The following RBL2 variants were observed in gnomAD, a reference collection of about 807,000 sequenced individuals.
The protein encoded by RBL2 is retinoblastoma-like protein 2.
A neutral mutation model predicts 126.0 loss-of-function variants in RBL2; 56 were observed. The observed-to-expected ratio is 0.44, with a 90% confidence interval of 0.36 to 0.56. The LOEUF is 0.56. Ranked by LOEUF, RBL2 falls within the 20% of genes least tolerant of loss-of-function variation. RBL2 has a pLI of 0.00. For missense variants in RBL2, 1,229 were observed against 1,398.2 expected, an observed-to-expected ratio of 0.88 and a Z score of 1.93; for synonymous variants, 454 against 478.5, an observed-to-expected ratio of 0.95 and a Z score of 0.67.
intron 1 of RBL2, chr16:53,435,827 TAATTC>T: frequency 2.6e-6 from 3 of 1,132,990 alleles, no homozygotes; most frequent in South Asian, 2.6e-5. Flanking sequence ...AATAGAATTT[TAATTC>T]AATTACTAGT....
intron 17 of RBL2, among the ~76,000 whole-genome samples, chr16:53,478,545 C>T (rs201634161): frequency 5.4e-5 from 7 of 128,786 alleles, no homozygotes; most frequent in African/African-American, 1.5e-4. Flanking sequence ...TTTGCTAATC[C>T]TTTTTTTTTT....
chr16:53,461,092 AG>A (rs2058215078), intron 9 of RBL2, among the ~76,000 whole-genome samples: 1 of 152,170 alleles, frequency 6.6e-6, no homozygotes, highest in Non-Finnish European at 1.5e-5. Context: ...GAAATAGTTA[AG>A]GGCAAGTTTG....
At chr16:53,463,569 T>C (rs941134372) in intron 11 of RBL2, among the ~76,000 whole-genome samples, 43 of 143,852 alleles carry the variant, frequency 3.0e-4, no homozygotes, top group African/African-American at 1.1e-3. Context: ...TCCTTTTTTT[T>C]TTTTTTTTTT....
At chr16:53,473,464 C>T (rs148391107) in intron 17 of RBL2, among the ~76,000 whole-genome samples, 87 of 149,316 alleles carry the variant, frequency 5.8e-4, no homozygotes, top group African/African-American at 2.1e-3. Context: ...TCATTGTTAA[C>T]GTGTTCATTG....
rs74779572 is a variant in RBL2, at chr16:53,475,081, G to A, written c.2704-4073G>A. ...TCTGTTTCTTCTAGAATCAGTTGTG[G>A]TAGTGTATGTCTTTCTAAGAATTTG... On this transcript the variant is annotated intron_variant, in intron 17 of 21. Coordinates refer to ENST00000262133, the MANE Select transcript of RBL2 (RefSeq NM_005611.4). 8.5e-3 allele frequency among the ~76,000 whole-genome samples: 1,288 copies of A among 152,306 alleles called. 22 individuals are homozygous for A. The highest frequency in any genetic ancestry group is 0.029 in the African/African-American group (1,202 of 41,562).
rs1020323793 is a variant in RBL2 at position 53,439,007 on chromosome 16, C to A, written c.241-9C>A. The A allele has an allele frequency of 1.3e-6, 2 of 1,540,350 alleles. No individual in the cohort carries two copies. Among genetic ancestry groups the A allele is most frequent in the Middle Eastern group, 3.5e-4 (2 of 5,746 alleles). ...TTTAACTAAAAATCAATTTTCTTTT[C>A]TTTTACAGGGAAATGATCTTCATTG... On this transcript the variant is annotated splice_polypyrimidine_tract_variant and intron_variant, in intron 1 of 21. Transcript: ENST00000262133.
chr16:53,471,002 A>C, intron 17 of RBL2, 80 bp downstream of exon 17: 1 of 1,383,642 alleles, frequency 7.2e-7, no homozygotes, highest in Middle Eastern at 2.6e-4. Context: ...CTTGAGATAC[A>C]GTTTACATGC....
intron 17 of RBL2, among the ~76,000 whole-genome samples, chr16:53,472,337 C>T (rs762903609): frequency 1.2e-4 from 18 of 152,124 alleles, no homozygotes; most frequent in Non-Finnish European, 2.4e-4. Flanking sequence ...GAAGAACCAC[C>T]GTACCATTTT....
At chr16:53,466,825 C>A in intron 13 of RBL2, 1 of 391,270 alleles carries the variant, frequency 2.6e-6, no homozygotes. Flanking sequence ...GATATTCAAA[C>A]TCTCCAAACC....
rs766682592 is a variant in RBL2, at chr16:53,453,810, T to G, written c.992+41T>G. On this transcript the variant is annotated intron_variant, in intron 7 of 21. Coordinates refer to ENST00000262133, the MANE Select transcript of RBL2 (RefSeq NM_005611.4). The stretch of plus-strand genomic sequence containing the variant: ...TAAAATGTTTTAATATTTTAAATTG[T>G]ATACTTAGGAAACTTCAGAAGTTAG... 3 of 1,464,696 alleles carry G rather than the reference T, an allele frequency of 2.0e-6. No homozygotes were observed. The South Asian group carries it at 3.7e-5, about 18-fold the overall frequency. 90.7% of individuals were successfully genotyped at this position (1,464,696 alleles called of 1,614,324 possible).
intron 4 of RBL2, among the ~76,000 whole-genome samples, chr16:53,450,408 AAAT>A (rs2058104371): frequency 6.6e-6 from 1 of 152,142 alleles, no homozygotes; most frequent in African/African-American, 2.4e-5. Context: ...TGAGGTTTGG[AAAT>A]AATTCTTCAT....
chr16:53,471,346 T>C (rs1462304263), intron 17 of RBL2, among the ~76,000 whole-genome samples: 1 of 152,220 alleles, frequency 6.6e-6, no homozygotes, highest in Non-Finnish European at 1.5e-5. Context: ...TACTGTACCA[T>C]TTTACACTTA....
Position 53,449,781 on chromosome 16 carries a change from A to G in RBL2, c.638-1922A>G, listed in dbSNP as rs2058096783. ...CCAACTCTGGAGATGAAACATTTCT[A>G]TTTACTTGTTATCTTTGTTGATTAA... On this transcript the variant is annotated intron_variant, in intron 4 of 21. Transcript: ENST00000262133. Among the ~76,000 whole-genome samples the G allele has an allele frequency of 1.3e-5, 2 of 152,084 alleles. 1 individual carries two copies. Among genetic ancestry groups the G allele is most frequent in the South Asian group, 4.1e-4 (2 of 4,820 alleles).
chr16:53,484,977 A>G (rs1187761522), intron 21 of RBL2, among the ~76,000 whole-genome samples: 2 of 150,506 alleles, frequency 1.3e-5, no homozygotes, highest in East Asian at 3.9e-4. Context: ...GTCGTTTCCT[A>G]TTATAAAGAG....
At chr16:53,467,537 G>A (rs975379418) in intron 14 of RBL2, among the ~76,000 whole-genome samples, 13 of 152,094 alleles carry the variant, frequency 8.5e-5, no homozygotes, top group Admixed American at 3.3e-4. Flanking sequence ...ACAGGCATGC[G>A]CCACCACGCC....
At chr16:53,456,560 T>C (rs1238911319) in intron 8 of RBL2, among the ~76,000 whole-genome samples, 2 of 152,158 alleles carry the variant, frequency 1.3e-5, no homozygotes, top group Non-Finnish European at 2.9e-5. Context: ...GTGAATGATA[T>C]AAAAGCTAAA....
intron 3 of RBL2, among the ~76,000 whole-genome samples, chr16:53,445,063 C>A (rs935504108): frequency 2.0e-5 from 3 of 151,770 alleles, no homozygotes; most frequent in Non-Finnish European, 4.4e-5. Context: ...TGCAGTGGCT[C>A]ACACCTGATC....
At chr16:53,474,328 T>C (rs1445408954) in intron 17 of RBL2, among the ~76,000 whole-genome samples, 2 of 146,170 alleles carry the variant, frequency 1.4e-5, no homozygotes, top group East Asian at 4.0e-4. Flanking sequence ...TTTATTTATT[T>C]ATTTTGAGAT....
At chr16:53,457,730 A>C (rs545300772) in intron 8 of RBL2, among the ~76,000 whole-genome samples, 1 of 152,246 alleles carries the variant, frequency 6.6e-6, no homozygotes, top group East Asian at 1.9e-4. Flanking sequence ...ATTTGCACCC[A>C]AGTTAAAGAT....
Sources: allele counts gnomAD v4.1 joint callset (sites outside exome capture counted in the v4.1 genomes callset), GRCh38; gene constraint gnomAD v4.1.1; transcripts MANE v1.5; gene names NCBI Gene and HGNC (gene_info 2026-07-23, HGNC 2026-07-21).